TAB2: variants seen among roughly 807,000 people sequenced by gnomAD.
The protein encoded by TAB2 is TGF-beta activated kinase 1 (MAP3K7) binding protein 2, also known as TGF-beta-activated kinase 1 and MAP3K7-binding protein 2.
A neutral mutation model predicts 65.0 loss-of-function variants in TAB2; 3 were observed. That is an observed-to-expected ratio of 0.05 (90% CI 0.02 to 0.12). The LOEUF (loss-of-function observed/expected upper bound fraction) is 0.12, where lower values mean the gene tolerates loss of function less well. Ranked by LOEUF, TAB2 falls within the 10% of genes least tolerant of loss-of-function variation. TAB2 has a pLI of 1.00. For missense variants in TAB2, 623 were observed against 840.3 expected (o/e 0.74, Z 3.20); for synonymous variants, 298 against 285.1 (o/e 1.05, Z -0.46).
intron 1 of TAB2, among the ~76,000 whole-genome samples, chr6:149,237,148 A>G (rs1012563896): frequency 1.4e-4 from 21 of 152,254 alleles, no homozygotes; most frequent in Non-Finnish European, 2.8e-4. Context: ...AGGGTGTACA[A>G]AGGTGCTCTT....
intron 6 of TAB2, among the ~76,000 whole-genome samples, chr6:149,403,024 C>T (rs1026052530): frequency 5.9e-5 from 9 of 151,790 alleles, no homozygotes; most frequent in African/African-American, 9.7e-5. Context: ...CACCTAAGGT[C>T]GGGAGTTTGA....
intron 1 of TAB2, among the ~76,000 whole-genome samples, chr6:149,341,830 A>G (rs998909682): frequency 4.6e-5 from 7 of 152,104 alleles, no homozygotes; most frequent in African/African-American, 1.7e-4. Context: ...ATAATTTGAG[A>G]GCAGCAGAAA....
chr6:149,360,530 T>C (rs1388025517), intron 1 of TAB2, among the ~76,000 whole-genome samples: 1 of 152,130 alleles, frequency 6.6e-6, no homozygotes, highest in Non-Finnish European at 1.5e-5. Flanking sequence ...TCCACCCTCA[T>C]GGTCCAGTCG....
intron 1 of TAB2, among the ~76,000 whole-genome samples, chr6:149,309,873 TGTGG>T (rs111408083): frequency 0.051 from 6,146 of 121,094 alleles, 391 homozygotes; most frequent in African/African-American, 0.18. Flanking sequence ...TGTGTGTGTG[TGTGG>T]GTGTGGGTGT....
chr6:149,351,560 G>A (rs1344536388), intron 1 of TAB2, among the ~76,000 whole-genome samples: 1 of 152,126 alleles, frequency 6.6e-6, no homozygotes, highest in Non-Finnish European at 1.5e-5. Context: ...TACTTACTAT[G>A]TGCTCTTTTT....
At chr6:149,287,984 T>C (rs1212293036) in intron 1 of TAB2, among the ~76,000 whole-genome samples, 1 of 152,254 alleles carries the variant, frequency 6.6e-6, no homozygotes, top group Non-Finnish European at 1.5e-5. Context: ...CATAAAATTA[T>C]GTTAAGCAAA....
chr6:149,405,694 T>C (rs1417020976), intron 6 of TAB2, among the ~76,000 whole-genome samples: 1 of 152,144 alleles, frequency 6.6e-6, no homozygotes, highest in Non-Finnish European at 1.5e-5. Context: ...TTCAAAAATA[T>C]CAAACTCCTG....
chr6:149,322,573 T>C (rs9498321), intron 1 of TAB2, among the ~76,000 whole-genome samples: 35,735 of 151,972 alleles, frequency 0.24, 4,404 homozygotes, highest in Non-Finnish European at 0.26. Flanking sequence ...AGATTTGGGA[T>C]CAGTTAAAAT....
intron 4 of TAB2, 65 bp downstream of exon 4, chr6:149,397,829 G>A (rs918242587): frequency 1.9e-6 from 3 of 1,594,836 alleles, no homozygotes; most frequent in East Asian, 2.2e-5. Context: ...TAACATAAGT[G>A]TAATATCTCT....
upstream of TAB2, among the ~76,000 whole-genome samples, chr6:149,315,637 A>G (rs1302875865): frequency 6.6e-6 from 1 of 152,226 alleles, no homozygotes; most frequent in African/African-American, 2.4e-5. Flanking sequence ...GTTCAGGGTC[A>G]CATATTGCAT....
chr6:149,374,531 T>C (rs999407868), intron 2 of TAB2, among the ~76,000 whole-genome samples: 1 of 152,224 alleles, frequency 6.6e-6, no homozygotes, highest in Non-Finnish European at 1.5e-5. Context: ...CAAAATCTTA[T>C]AATTGGGACA....
intron 2 of TAB2, among the ~76,000 whole-genome samples, chr6:149,373,870 A>G (rs985329659): frequency 2.0e-5 from 3 of 152,214 alleles, no homozygotes; most frequent in Admixed American, 6.5e-5. Context: ...GTAGATGTAC[A>G]TGATAAGCTA....
chr6:149,345,352 T>C (rs1780260455), intron 1 of TAB2, among the ~76,000 whole-genome samples: 1 of 152,162 alleles, frequency 6.6e-6, no homozygotes, highest in Admixed American at 6.5e-5. Flanking sequence ...AATTGGTCAG[T>C]GCTGCAGCTG....
chr6:149,288,946 C>T (rs998177497), intron 1 of TAB2, among the ~76,000 whole-genome samples: 10 of 149,134 alleles, frequency 6.7e-5, no homozygotes, highest in Non-Finnish European at 1.3e-4. Flanking sequence ...CAACCTCCAT[C>T]GCCTGGGTTC....
chr6:149,351,360 C>T (rs867461471), intron 1 of TAB2, among the ~76,000 whole-genome samples: 1 of 152,186 alleles, frequency 6.6e-6, no homozygotes, highest in Non-Finnish European at 1.5e-5. Context: ...TTCCTTTGCA[C>T]TTCGTGGAAG....
At chr6:149,339,773 A>G (rs575032435) in intron 1 of TAB2, among the ~76,000 whole-genome samples, 69 of 151,648 alleles carry the variant, frequency 4.6e-4, no homozygotes, top group African/African-American at 1.6e-3. Context: ...TAATTTTTGT[A>G]CTTTTAGTAG....
intron 1 of TAB2, among the ~76,000 whole-genome samples, chr6:149,279,751 G>GC (rs1778538910): frequency 1.3e-5 from 2 of 152,176 alleles, no homozygotes; most frequent in African/African-American, 4.8e-5. Context: ...GATGTGCATT[G>GC]TTATTACATA....
chr6:149,225,346 G>A (rs887806623), intron 1 of TAB2, among the ~76,000 whole-genome samples: 7 of 150,390 alleles, frequency 4.7e-5, no homozygotes, highest in East Asian at 1.9e-4. Context: ...CTTGACTAGC[G>A]GGGGAAAGAA....
chr6:149,378,857 T>C lies in TAB2; in HGVS notation c.942T>C (p.Ile314=). 6.2e-7 allele frequency: 1 copy of C among 1,614,070 alleles called. No individual in the cohort carries two copies. Among genetic ancestry groups the C allele is most frequent in the Non-Finnish European group, 8.5e-7 (1 of 1,180,026 alleles). ...CTTCTGCCCATAGCCAATATAACAT[T>C]CAGAATATTTCAACAGGACCTCGAA... ...SQSSAHSQYN[I]QNISTGPRKN... The change falls in exon 3 of 7, where the codon ATT becomes ATC. Residue 314 remains isoleucine, a synonymous_variant. Coordinates refer to ENST00000637181, the MANE Select transcript of TAB2 (RefSeq NM_001292034.3).
Sources: gnomAD v4.1 joint callset for allele counts (sites outside exome capture counted in the v4.1 genomes callset) on GRCh38, gnomAD v4.1.1 for gene constraint, MANE v1.5 for transcripts, NCBI Gene and HGNC (gene_info 2026-07-23, HGNC 2026-07-21) for gene names.